Variants in CLASP1 observed in about 807,000 individuals in gnomAD.
CLASP1 encodes the protein CLIP-associating protein 1.
CLASP1 carries 38 observed loss-of-function variants against 192.3 expected under a neutral mutation model. That is an observed-to-expected ratio of 0.20 (90% CI 0.15 to 0.26). The LOEUF is 0.26. Among genes scored for constraint, CLASP1 ranks in the 10% least tolerant of loss-of-function variants. The pLI is 1.00. For missense variants in CLASP1, 1,433 were observed against 1,932.5 expected, an observed-to-expected ratio of 0.74 and a Z score of 4.85; for synonymous variants, 691 against 712.8, an observed-to-expected ratio of 0.97 and a Z score of 0.49.
At chr2:121,452,769 C>T (rs933356195) in intron 14 of CLASP1, among the ~76,000 whole-genome samples, 6 of 152,028 alleles carry the variant, frequency 3.9e-5, no homozygotes, top group African/African-American at 1.4e-4. Flanking sequence ...CCAGCCTAGG[C>T]GACAGAGCGA....
At chr2:121,647,144 G>C (rs2073327918) in intron 1 of CLASP1, among the ~76,000 whole-genome samples, 1 of 151,896 alleles carries the variant, frequency 6.6e-6, no homozygotes, top group South Asian at 2.1e-4. Flanking sequence ...AAGGCAGGCT[G>C]ATCACAGGAG....
intron 29 of CLASP1, 56 bp from the exon 31 acceptor site, chr2:121,397,339 A>G: frequency 6.7e-7 from 1 of 1,502,826 alleles, no homozygotes; most frequent in East Asian, 2.3e-5. Flanking sequence ...TTTGAACACA[A>G]TTCTTATCAG....
chr2:121,358,046 T>G (rs1215566599), intron 37 of CLASP1, among the ~76,000 whole-genome samples: 1 of 152,232 alleles, frequency 6.6e-6, no homozygotes, highest in Non-Finnish European at 1.5e-5. Context: ...CCTTGAAGAC[T>G]ACAGTACACC....
intron 2 of CLASP1, among the ~76,000 whole-genome samples, chr2:121,593,535 C>T (rs2062679140): frequency 6.7e-6 from 1 of 149,184 alleles, no homozygotes; most frequent in Non-Finnish European, 1.5e-5. Context: ...AGAAGAATCG[C>T]TTGATCCGGG....
chr2:121,517,920 C>T (rs1443046051), intron 6 of CLASP1, among the ~76,000 whole-genome samples: 1 of 115,776 alleles, frequency 8.6e-6, no homozygotes, highest in African/African-American at 3.5e-5. Context: ...GGTATGGTGG[C>T]TCGTGCCTAT....
chr2:121,446,655 T>C (rs1019175665), intron 19 of CLASP1, among the ~76,000 whole-genome samples: 2 of 152,228 alleles, frequency 1.3e-5, no homozygotes, highest in Non-Finnish European at 2.9e-5. Context: ...CAGTACGTGT[T>C]AAGCAACTGC....
intron 7 of CLASP1, among the ~76,000 whole-genome samples, chr2:121,505,906 G>A (rs1021252238): frequency 2.0e-5 from 3 of 151,790 alleles, no homozygotes; most frequent in South Asian, 2.1e-4. Context: ...ACTTAATCAC[G>A]GCAATCTCAG....
chr2:121,539,598 A>G (rs2095182576), intron 2 of CLASP1, among the ~76,000 whole-genome samples: 1 of 152,246 alleles, frequency 6.6e-6, no homozygotes, highest in Non-Finnish European at 1.5e-5. Context: ...AGGACACAAT[A>G]AACACAAACC....
chr2:121,401,404 A>C, intron 28 of CLASP1, 105 bp downstream of exon 29: 1 of 796,724 alleles, frequency 1.3e-6, no homozygotes, highest in South Asian at 1.8e-5. Context: ...AGTAAAAGAG[A>C]TATTCAAGGG....
intron 7 of CLASP1, among the ~76,000 whole-genome samples, chr2:121,514,379 T>C (rs2094227645): frequency 6.6e-6 from 1 of 152,212 alleles, no homozygotes; most frequent in Admixed American, 6.5e-5. Flanking sequence ...ATGCCTTCCC[T>C]GATCATCTGT....
intron 1 of CLASP1, among the ~76,000 whole-genome samples, chr2:121,640,351 C>G (rs578164942): frequency 6.6e-6 from 1 of 152,140 alleles, no homozygotes; most frequent in African/African-American, 2.4e-5. Flanking sequence ...CACATGTACC[C>G]TAGAACTTAA....
At chr2:121,392,624 A>G (rs942937265) in intron 30 of CLASP1, among the ~76,000 whole-genome samples, 3 of 152,236 alleles carry the variant, frequency 2.0e-5, no homozygotes, top group East Asian at 1.9e-4. Context: ...ACAAGAACTC[A>G]GGGATTAAAT....
chr2:121,645,112 C>A (rs1008927579), intron 1 of CLASP1, among the ~76,000 whole-genome samples: 1 of 152,144 alleles, frequency 6.6e-6, no homozygotes, highest in Non-Finnish European at 1.5e-5. Flanking sequence ...AGACTGCAAG[C>A]CCCTGAAGTG....
At chr2:121,647,866 G>A (rs999615918) in intron 1 of CLASP1, among the ~76,000 whole-genome samples, 3 of 152,168 alleles carry the variant, frequency 2.0e-5, no homozygotes, top group African/African-American at 7.2e-5. Context: ...AAAAGCTATG[G>A]CTGAAAACTC....
At chr2:121,576,303 A>G (rs1195278716) in intron 2 of CLASP1, among the ~76,000 whole-genome samples, 1 of 152,252 alleles carries the variant, frequency 6.6e-6, no homozygotes, top group East Asian at 1.9e-4. Context: ...CTTTGAAGGC[A>G]TACAAAATGG....
rs747329215 is a variant in CLASP1 at position 121,347,020 on chromosome 2, A to G, written c.4530+18T>C. ...AGAGCCCAGGTGTGCGTATCAGCCC[A>G]GGTAACACTATACATACCTTGCTCC... is the stretch of plus-strand genomic sequence containing the variant. On this transcript the variant is annotated intron_variant, in intron 39 of 39. Coordinates refer to ENST00000263710, the Ensembl canonical transcript of CLASP1. The G allele has an allele frequency of 6.8e-7, 1 of 1,475,102 alleles. No homozygotes were observed. The highest frequency in any genetic ancestry group is 1.4e-5 in the African/African-American group (1 of 71,872). The allele number at this position is 1,475,102 out of a possible 1,614,324, so 91.4% of individuals were successfully genotyped here. A position where few individuals can be genotyped will look rare whatever the true frequency, so the allele number is the denominator to read the frequency against.
chr2:121,410,145 C>A (rs891699212), intron 24 of CLASP1, among the ~76,000 whole-genome samples: 2 of 152,116 alleles, frequency 1.3e-5, no homozygotes, highest in African/African-American at 4.8e-5. Context: ...TCAGACAGTT[C>A]TAAAGAATAT....
intron 1 of CLASP1, among the ~76,000 whole-genome samples, chr2:121,629,519 G>T (rs187560425): frequency 6.6e-6 from 1 of 151,898 alleles, no homozygotes; most frequent in Non-Finnish European, 1.5e-5. Context: ...GGCCGGGAGC[G>T]GTGGCTCACG....
chr2:121,521,482 G>A lies in CLASP1; in HGVS notation c.546+4363C>T, dbSNP rs374260062. Among the ~76,000 whole-genome samples, 26 of 152,252 alleles carry A rather than the reference G, an allele frequency of 1.7e-4. No homozygotes were observed. In the East Asian group the frequency reaches 3.1e-3, roughly 18 times the overall value. On this transcript the variant is annotated intron_variant, in intron 6 of 39. Coordinates refer to ENST00000263710, the Ensembl canonical transcript of CLASP1. Reference sequence around the variant, plus strand: ...CACAGGCTGAGGTGCCCAAGACTCCGGCTCCGAGCTACTGGCAGATCCCGG... The same window carrying A: ...CACAGGCTGAGGTGCCCAAGACTCCAGCTCCGAGCTACTGGCAGATCCCGG...
Sources: allele counts gnomAD v4.1 joint callset (sites outside exome capture counted in the v4.1 genomes callset), GRCh38; gene constraint gnomAD v4.1.1; transcripts MANE v1.5; gene names NCBI Gene and HGNC (gene_info 2026-07-23, HGNC 2026-07-21).